ADAMTS17: variants seen among roughly 807,000 people sequenced by gnomAD.
ADAMTS17 encodes the protein ADAM metallopeptidase with thrombospondin type 1 motif 17.
A neutral mutation model predicts 141.5 loss-of-function variants in ADAMTS17; 113 were observed. That is an observed-to-expected ratio of 0.80 (90% CI 0.69 to 0.93). The LOEUF is 0.93. Ranked by LOEUF, ADAMTS17 falls within the 40% of genes least tolerant of loss-of-function variation. The pLI, the probability that ADAMTS17 is intolerant of heterozygous loss-of-function variation, is 0.00. For synonymous variants in ADAMTS17, 768 were observed against 630.6 expected (o/e 1.22, Z -3.27); for missense variants, 1,659 against 1,517.9 (o/e 1.09, Z -1.54).
chr15:100,285,755 T>C (rs1418493996), intron 3 of ADAMTS17, among the ~76,000 whole-genome samples: 4 of 152,138 alleles, frequency 2.6e-5, no homozygotes, highest in Admixed American at 2.0e-4. Flanking sequence ...GGGGCAGGAC[T>C]CCAGCCTGTG....
intron 10 of ADAMTS17, among the ~76,000 whole-genome samples, chr15:100,140,274 G>C (rs1308941535): frequency 6.6e-6 from 1 of 152,154 alleles, no homozygotes; most frequent in East Asian, 1.9e-4. Flanking sequence ...GGGATTACAG[G>C]CATGAGCCAC....
chr15:100,020,165 C>T (rs886674996), intron 18 of ADAMTS17, among the ~76,000 whole-genome samples: 1 of 152,202 alleles, frequency 6.6e-6, no homozygotes, highest in Non-Finnish European at 1.5e-5. Context: ...GCTGGCCCAG[C>T]TGCCCGGCCC....
chr15:99,984,096 C>T (rs1015296528), intron 20 of ADAMTS17, among the ~76,000 whole-genome samples: 2 of 152,154 alleles, frequency 1.3e-5, no homozygotes, highest in East Asian at 1.9e-4. Context: ...GCTTTCTTCC[C>T]GGCAGTCTCA....
chr15:100,243,007 A>T (rs2042873540), intron 7 of ADAMTS17, among the ~76,000 whole-genome samples: 1 of 152,218 alleles, frequency 6.6e-6, no homozygotes, highest in Non-Finnish European at 1.5e-5. Flanking sequence ...AGCTCCTGGC[A>T]ACTGCCATCC....
At chr15:100,011,291 G>T (rs2061164540) in intron 18 of ADAMTS17, among the ~76,000 whole-genome samples, 1 of 3,228 alleles carries the variant, frequency 3.1e-4, no homozygotes, top group African/African-American at 1.5e-3. Context: ...GGAAGTAAAG[G>T]AGGAGGGAGG....
At chr15:100,069,782 C>G (rs1016873342) in intron 15 of ADAMTS17, among the ~76,000 whole-genome samples, 1 of 150,384 alleles carries the variant, frequency 6.6e-6, no homozygotes, top group Non-Finnish European at 1.5e-5. Context: ...ACAGCCACTG[C>G]AAAAACAAGC....
chr15:100,003,475 T>C (rs1228320676), intron 18 of ADAMTS17, among the ~76,000 whole-genome samples: 1 of 152,088 alleles, frequency 6.6e-6, no homozygotes, highest in African/African-American at 2.4e-5. Context: ...GAGGCCACTG[T>C]ATCCTGTTTT....
At chr15:100,139,560 C>G (rs1386920049) in intron 10 of ADAMTS17, among the ~76,000 whole-genome samples, 1 of 152,194 alleles carries the variant, frequency 6.6e-6, no homozygotes, top group African/African-American at 2.4e-5. Context: ...GAAACGGCTA[C>G]AGAAAAACTC....
chr15:100,195,207 G>A (rs553584648), intron 8 of ADAMTS17, among the ~76,000 whole-genome samples: 2 of 152,232 alleles, frequency 1.3e-5, no homozygotes, highest in African/African-American at 4.8e-5. Context: ...CCAGGCAGCA[G>A]CAAGGGTGGC....
At chr15:100,030,830 A>C (rs1352249551) in intron 18 of ADAMTS17, among the ~76,000 whole-genome samples, 1 of 152,192 alleles carries the variant, frequency 6.6e-6, no homozygotes, top group Non-Finnish European at 1.5e-5. Flanking sequence ...ATGGGTTTAG[A>C]TTATGTAGTT....
chr15:100,211,433 G>A (rs1056264920), intron 7 of ADAMTS17, among the ~76,000 whole-genome samples: 2 of 152,124 alleles, frequency 1.3e-5, no homozygotes, highest in African/African-American at 2.4e-5. Context: ...TCCACAGGGA[G>A]ATGAATGAAT....
intron 18 of ADAMTS17, among the ~76,000 whole-genome samples, chr15:100,018,825 G>C (rs550518437): frequency 6.6e-6 from 1 of 152,284 alleles, no homozygotes; most frequent in South Asian, 2.1e-4. Flanking sequence ...ACATCTATCA[G>C]ACTGACAACA....
At chr15:100,223,478 G>A (rs1314188829) in intron 7 of ADAMTS17, among the ~76,000 whole-genome samples, 1 of 152,026 alleles carries the variant, frequency 6.6e-6, no homozygotes, top group Non-Finnish European at 1.5e-5. Flanking sequence ...TACTGGCCCT[G>A]AGCTCATCTC....
intron 7 of ADAMTS17, among the ~76,000 whole-genome samples, chr15:100,220,569 G>C (rs2042103073): frequency 6.6e-6 from 1 of 152,102 alleles, no homozygotes; most frequent in Non-Finnish European, 1.5e-5. Flanking sequence ...TGCTTCAGTG[G>C]TTTTAGTACT....
chr15:100,104,217 T>C (rs2036289316), intron 14 of ADAMTS17, among the ~76,000 whole-genome samples: 1 of 152,202 alleles, frequency 6.6e-6, no homozygotes, highest in Non-Finnish European at 1.5e-5. Flanking sequence ...CAGAGGCTTA[T>C]TAACCCGGTG....
At chr15:100,147,847 C>G (rs544925108) in intron 10 of ADAMTS17, among the ~76,000 whole-genome samples, 1 of 152,362 alleles carries the variant, frequency 6.6e-6, no homozygotes, top group South Asian at 2.1e-4. Flanking sequence ...CAACACAATT[C>G]TCTTATAGTT....
rs139784361 is a variant in ADAMTS17, at chr15:100,064,830, C to T, written c.2138-10776G>A. On this transcript the variant is annotated intron_variant, in intron 15 of 21. Transcript: ENST00000268070. Reference sequence around the variant, plus strand: ...CTAACATGACGGTGAGATTCTGAAACGTAGGCTGGTAATAATTTTGGTTTG... The same window carrying T: ...CTAACATGACGGTGAGATTCTGAAATGTAGGCTGGTAATAATTTTGGTTTG... Among the ~76,000 whole-genome samples, 748 of 152,262 alleles carry T rather than the reference C, an allele frequency of 4.9e-3. 3 individuals are homozygous for T. The highest frequency in any genetic ancestry group is 7.5e-3 in the Non-Finnish European group (511 of 68,024).
chr15:100,234,524 T>G (rs926136850), intron 7 of ADAMTS17, among the ~76,000 whole-genome samples: 1 of 152,098 alleles, frequency 6.6e-6, no homozygotes, highest in African/African-American at 2.4e-5. Context: ...CTTTTCCAAT[T>G]CCCTCCAACT....
chr15:100,310,796 C>T lies in ADAMTS17; in HGVS notation c.616+20093G>A, dbSNP rs186869669. The stretch of plus-strand genomic sequence containing the variant: ...ACGCCACGGCAGGGGGTTTGATCTA[C>T]GACTTGCTAATGGATTGAGAAAGGT... On this transcript the variant is annotated intron_variant, in intron 3 of 21. Coordinates refer to ENST00000268070, the MANE Select transcript of ADAMTS17 (RefSeq NM_139057.4). Among the ~76,000 whole-genome samples, 292 of 152,296 alleles carry T rather than the reference C, an allele frequency of 1.9e-3. 2 individuals carry two copies. Among genetic ancestry groups the T allele is most frequent in the Non-Finnish European group, 2.0e-3 (134 of 68,022 alleles).
Sources: gnomAD v4.1 joint callset for allele counts (sites outside exome capture counted in the v4.1 genomes callset) on GRCh38, gnomAD v4.1.1 for gene constraint, MANE v1.5 for transcripts, NCBI Gene and HGNC (gene_info 2026-07-23, HGNC 2026-07-21) for gene names.